MAML2: variants seen among roughly 807,000 people sequenced by gnomAD.
The protein encoded by MAML2 is mastermind-like protein 2.
Under a neutral mutation model 96.1 loss-of-function variants are expected in MAML2, and 22 were observed. The observed-to-expected ratio is 0.23, with a 90% CI of 0.16 to 0.33. MAML2 has a LOEUF of 0.33. MAML2 is among the 10% of genes least tolerant of loss of function. The pLI is 1.00. For synonymous variants in MAML2, 561 were observed against 521.3 expected, an observed-to-expected ratio of 1.08 and a Z score of -1.04; for missense variants, 1,367 against 1,392.4, an observed-to-expected ratio of 0.98 and a Z score of 0.29.
intron 3 of MAML2, 127 bp downstream of exon 3, chr11:95,991,393 C>T: frequency 1.2e-6 from 1 of 856,474 alleles, no homozygotes; most frequent in Admixed American, 2.0e-5. Flanking sequence ...TGGAATTATC[C>T]TCTCTTACAG....
chr11:96,018,477 G>A (rs569932301), intron 2 of MAML2, among the ~76,000 whole-genome samples: 63 of 152,300 alleles, frequency 4.1e-4, no homozygotes, highest in African/African-American at 1.5e-3. Context: ...ACTGTCCTCT[G>A]GACACCCCAT....
At chr11:96,179,625 T>C (rs1311866334) in intron 1 of MAML2, among the ~76,000 whole-genome samples, 1 of 152,194 alleles carries the variant, frequency 6.6e-6, no homozygotes, top group Non-Finnish European at 1.5e-5. Context: ...CAGACTCTTC[T>C]GGCCACAAAA....
chr11:96,274,158 C>A (rs901816499), intron 1 of MAML2, among the ~76,000 whole-genome samples: 29 of 143,278 alleles, frequency 2.0e-4, no homozygotes, highest in African/African-American at 7.2e-4. Flanking sequence ...TCTTGGCTCA[C>A]TGCAAGCTCC....
intron 1 of MAML2, among the ~76,000 whole-genome samples, chr11:96,324,815 C>A (rs1224295670): frequency 6.6e-6 from 1 of 152,036 alleles, no homozygotes; most frequent in Non-Finnish European, 1.5e-5. Flanking sequence ...GTTAAGAGAC[C>A]AATCTTGGTG....
chr11:96,270,639 T>C (rs1050647568), intron 1 of MAML2, among the ~76,000 whole-genome samples: 3 of 152,184 alleles, frequency 2.0e-5, no homozygotes, highest in Admixed American at 6.5e-5. Flanking sequence ...TAGCTTCCTA[T>C]ATAATCTCCT....
At chr11:96,160,845 C>T (rs990337147) in intron 1 of MAML2, among the ~76,000 whole-genome samples, 16 of 146,526 alleles carry the variant, frequency 1.1e-4, no homozygotes, top group African/African-American at 3.7e-4. Flanking sequence ...ACAGTATGTC[C>T]TCTTGCAGTA....
At position 96,267,600 on chromosome 11, in the gene MAML2, C is replaced by T. The variant is rs546934502; in HGVS notation, c.513+73783G>A. Among the ~76,000 whole-genome samples the T allele has an allele frequency of 4.6e-5, 7 of 152,320 alleles. No homozygotes were observed. The South Asian group carries it at 1.0e-3, about 23-fold the overall frequency. Reference sequence around the variant, plus strand: ...CTTCACATTCTAGGTTCATTATTAACGGGCTGGTGCTGCCCAGAGGTAGGA... The same window carrying T: ...CTTCACATTCTAGGTTCATTATTAATGGGCTGGTGCTGCCCAGAGGTAGGA... On this transcript the variant is annotated intron_variant, in intron 1 of 4. Coordinates refer to ENST00000524717, the MANE Select transcript of MAML2 (RefSeq NM_032427.4).
chr11:96,186,996 A>G (rs1260411026), intron 1 of MAML2, among the ~76,000 whole-genome samples: 1 of 152,268 alleles, frequency 6.6e-6, no homozygotes, highest in Non-Finnish European at 1.5e-5. Context: ...ACAAATGTGA[A>G]TAGTGCCTAG....
intron 1 of MAML2, among the ~76,000 whole-genome samples, chr11:96,286,805 T>C (rs1328976465): frequency 6.6e-6 from 1 of 152,170 alleles, no homozygotes; most frequent in Non-Finnish European, 1.5e-5. Context: ...AGCTTCCTCA[T>C]CTAACCTGTT....
chr11:96,043,338 C>A (rs1858846729), intron 2 of MAML2, among the ~76,000 whole-genome samples: 1 of 152,124 alleles, frequency 6.6e-6, no homozygotes, highest in Non-Finnish European at 1.5e-5. Flanking sequence ...AAGGTCCAAT[C>A]CCCCTGTCCA....
At chr11:96,114,817 G>A (rs140774630) in intron 1 of MAML2, among the ~76,000 whole-genome samples, 172 of 152,306 alleles carry the variant, frequency 1.1e-3, no homozygotes, top group African/African-American at 4.0e-3. Flanking sequence ...CAAGGATTAA[G>A]TATACCTGGA....
intron 2 of MAML2, among the ~76,000 whole-genome samples, chr11:96,082,902 C>T (rs1859550637): frequency 6.6e-6 from 1 of 152,100 alleles, no homozygotes; most frequent in African/African-American, 2.4e-5. Flanking sequence ...CGGTTCTAAG[C>T]CTGGTTCAAA....
rs570174697 is a variant in MAML2 at position 96,193,485 on chromosome 11, C to T, written c.514-99968G>A. Among the ~76,000 whole-genome samples, 5 of 152,134 alleles carry T rather than the reference C, an allele frequency of 3.3e-5. No homozygotes were observed. In the East Asian group the frequency reaches 5.8e-4, roughly 18 times the overall value. ...GCAATCTCTACTTGGCAGAACACTA[C>T]GTTAAAGATATGCTGATAGATTTTA... On this transcript the variant is annotated intron_variant, in intron 1 of 4. Coordinates refer to ENST00000524717, the MANE Select transcript of MAML2 (RefSeq NM_032427.4).
At chr11:96,144,007 C>G (rs904873324) in intron 1 of MAML2, among the ~76,000 whole-genome samples, 4 of 152,102 alleles carry the variant, frequency 2.6e-5, no homozygotes. Context: ...GGAGTTCTTG[C>G]TTGGGAGGTC....
intron 1 of MAML2, among the ~76,000 whole-genome samples, chr11:96,181,856 A>T (rs1490472391): frequency 7.5e-6 from 1 of 133,938 alleles, no homozygotes; most frequent in Non-Finnish European, 1.6e-5. Flanking sequence ...TCTTTTCTAC[A>T]TTTGTCCTCA....
At position 96,093,286 on chromosome 11, in the gene MAML2, G is replaced by A. The variant is rs1258993562; in HGVS notation, c.745C>T (p.His249Tyr). The stretch of plus-strand genomic sequence containing the variant: ...AGGCCATTGCCAGGAGAATGTGTAT[G>A]GGATGGCAGAGTGTTAGTCTTTCGC... ...PLRKTNTLPS[H>Y]THSPGNGLFN... The change falls in exon 2 of 5, where the codon CAT becomes TAT. Residue 249 changes from histidine (H) to tyrosine (Y), a missense_variant. Transcript: ENST00000524717. 6.2e-7 allele frequency: 1 copy of A among 1,613,882 alleles called. No individual in the cohort carries two copies. Among genetic ancestry groups the A allele is most frequent in the Non-Finnish European group, 8.5e-7 (1 of 1,179,886 alleles).
chr11:96,146,475 G>A (rs945693931), intron 1 of MAML2, among the ~76,000 whole-genome samples: 2 of 152,154 alleles, frequency 1.3e-5, no homozygotes, highest in Admixed American at 6.5e-5. Flanking sequence ...AGTCAGAAAG[G>A]GCTGAGTCCA....
chr11:96,138,236 A>G (rs527749001), intron 1 of MAML2, among the ~76,000 whole-genome samples: 1 of 152,336 alleles, frequency 6.6e-6, no homozygotes, highest in African/African-American at 2.4e-5. Context: ...CCTGTCGTCC[A>G]TGCTGATACC....
At chr11:96,319,715 G>A (rs1184158976) in intron 1 of MAML2, among the ~76,000 whole-genome samples, 1 of 152,194 alleles carries the variant, frequency 6.6e-6, no homozygotes, top group Non-Finnish European at 1.5e-5. Context: ...TCCCCCAAAG[G>A]AGAGAGGAGA....
Sources: gnomAD v4.1 joint callset for allele counts (sites outside exome capture counted in the v4.1 genomes callset) on GRCh38, gnomAD v4.1.1 for gene constraint, MANE v1.5 for transcripts, NCBI Gene and HGNC (gene_info 2026-07-23, HGNC 2026-07-21) for gene names.